CELF5: variants seen among roughly 807,000 people sequenced by gnomAD.
The protein encoded by CELF5 is CUGBP Elav-like family member 5.
CELF5 carries 6 observed loss-of-function variants against 54.9 expected under a neutral mutation model. The observed-to-expected ratio is 0.11, with a 90% CI of 0.06 to 0.22. The LOEUF is 0.22. CELF5 is among the 10% of genes least tolerant of loss of function. CELF5 has a pLI of 1.00. For synonymous variants in CELF5, 271 were observed against 290.9 expected, an observed-to-expected ratio of 0.93 and a Z score of 0.70; for missense variants, 401 against 678.6, an observed-to-expected ratio of 0.59 and a Z score of 4.54.
intron 2 of CELF5, among the ~76,000 whole-genome samples, chr19:3,265,783 A>C (rs958300702): frequency 9.9e-5 from 15 of 152,204 alleles, no homozygotes; most frequent in African/African-American, 2.9e-4. Flanking sequence ...ATTCTTGATT[A>C]CTTTCTTTTC....
chr19:3,248,897 CCTTCCTTCCTTTCTTT>C (rs1173930095), intron 1 of CELF5, among the ~76,000 whole-genome samples: 4 of 106,246 alleles, frequency 3.8e-5, no homozygotes, highest in African/African-American at 9.2e-5. Context: ...TTCCTTCCTT[CCTTCCTTCCTTTCTTT>C]CTTTCTTTCT....
chr19:3,241,778 G>A (rs2079494450), intron 1 of CELF5, among the ~76,000 whole-genome samples: 3 of 152,058 alleles, frequency 2.0e-5, no homozygotes, highest in African/African-American at 4.8e-5. Context: ...CTAGTTTGTT[G>A]TTGTTGTGTG....
intron 2 of CELF5, among the ~76,000 whole-genome samples, chr19:3,263,196 G>A (rs886353796): frequency 1.4e-5 from 2 of 146,564 alleles, no homozygotes; most frequent in African/African-American, 5.1e-5. Context: ...GCGGTGAGCC[G>A]AGATCACGCC....
chr19:3,270,871 C>A (rs966705556), intron 2 of CELF5, among the ~76,000 whole-genome samples: 1 of 151,848 alleles, frequency 6.6e-6, no homozygotes, highest in Non-Finnish European at 1.5e-5. Context: ...AGGTCCCAGG[C>A]TCTGTGGCGG....
At chr19:3,283,509 C>G (rs2145273899) in intron 8 of CELF5, among the ~76,000 whole-genome samples, 1 of 152,154 alleles carries the variant, frequency 6.6e-6, no homozygotes, top group South Asian at 2.1e-4. Flanking sequence ...TGCCATCACG[C>G]CCGGCTAATT....
chr19:3,285,690 C>A, intron 9 of CELF5, among the ~76,000 whole-genome samples: 1 of 135,974 alleles, frequency 7.4e-6, no homozygotes, highest in African/African-American at 2.8e-5. Flanking sequence ...CCCGCCCCGT[C>A]TCGGTATTGG....
At chr19:3,250,134 T>G (rs1599414365) in intron 1 of CELF5, among the ~76,000 whole-genome samples, 1 of 152,226 alleles carries the variant, frequency 6.6e-6, no homozygotes, top group Non-Finnish European at 1.5e-5. Context: ...CTTCTCTTTT[T>G]ATTTTTTGAG....
chr19:3,285,574 T>C (rs1201423527), intron 9 of CELF5, among the ~76,000 whole-genome samples: 1 of 106,740 alleles, frequency 9.4e-6, no homozygotes, highest in Admixed American at 1.2e-4. Flanking sequence ...CAAGCAATGG[T>C]CCCGCCCACT....
intron 1 of CELF5, among the ~76,000 whole-genome samples, chr19:3,232,422 T>A (rs1334692732): frequency 6.6e-6 from 1 of 151,798 alleles, no homozygotes; most frequent in Non-Finnish European, 1.5e-5. Flanking sequence ...TGTGCAACTG[T>A]AGTCCCAGCC....
rs1568325591 is a variant in CELF5, at chr19:3,228,246, A to C, written c.259+3248A>C. ...GGGCTGCAGAGAGATGCAGGCCCAC[A>C]GGAAGACCACAAGCCTGCTCCTGCC... is the stretch of plus-strand genomic sequence containing the variant. On this transcript the variant is annotated intron_variant, in intron 1 of 12. Coordinates refer to ENST00000292672, the MANE Select transcript of CELF5 (RefSeq NM_021938.4). This position sits in a 1 kb window ranked among gnomAD's most constrained non-coding sequence, Gnocchi z 6.0. Among the ~76,000 whole-genome samples, 4 of 152,060 alleles carry C rather than the reference A, an allele frequency of 2.6e-5. No individual in the cohort carries two copies. The highest frequency in any genetic ancestry group is 6.5e-5 in the Admixed American group (1 of 15,278).
In CELF5 at chr19:3,285,013, CT is replaced by C. The variant is rs770670047; in HGVS notation, c.1102+50del. The stretch of plus-strand genomic sequence containing the variant: ...CGCTGGGCCCTGGCCCCGCCCCCGC[CT>C]AGGGCCCCGCCCCCAGGGCCCGCCC... On this transcript the variant is annotated intron_variant, in intron 9 of 12. Coordinates refer to ENST00000292672, the MANE Select transcript of CELF5 (RefSeq NM_021938.4). 8 of 1,455,398 alleles carry C rather than the reference CT, an allele frequency of 5.5e-6. No homozygotes were observed. The East Asian group carries it at 1.4e-4, about 26-fold the overall frequency. 90.2% of individuals were successfully genotyped at this position (1,455,398 alleles called of 1,614,324 possible). A position where few individuals can be genotyped will look rare whatever the true frequency, so the allele number is the denominator to read the frequency against.
chr19:3,227,830 G>A (rs577397581), intron 1 of CELF5, among the ~76,000 whole-genome samples: 42 of 152,216 alleles, frequency 2.8e-4, no homozygotes, highest in African/African-American at 9.6e-4. Flanking sequence ...AGAAGCAGCT[G>A]TGCCTGTATC....
intron 1 of CELF5, among the ~76,000 whole-genome samples, chr19:3,249,988 T>C (rs1249231363): frequency 3.3e-5 from 5 of 152,168 alleles, no homozygotes; most frequent in Admixed American, 3.3e-4. Flanking sequence ...ACTGACTTTG[T>C]TAATGGCTGG....
intron 2 of CELF5, among the ~76,000 whole-genome samples, chr19:3,260,843 C>T (rs1289067321): frequency 2.6e-5 from 4 of 151,714 alleles, no homozygotes; most frequent in South Asian, 2.1e-4. Context: ...AGGATGGTCT[C>T]GATCTCCTGA....
At chr19:3,250,875 C>T in intron 1 of CELF5, 110 bp from the exon 2 acceptor site, 3 of 558,874 alleles carry the variant, frequency 5.4e-6, no homozygotes, top group East Asian at 3.0e-5. Flanking sequence ...ATCTATGCAT[C>T]TGTGGATGGA....
At chr19:3,250,457 C>G (rs961345012) in intron 1 of CELF5, among the ~76,000 whole-genome samples, 9 of 152,196 alleles carry the variant, frequency 5.9e-5, no homozygotes, top group Admixed American at 5.2e-4. Flanking sequence ...CCACTGCACT[C>G]CAGCCTGGGT....
chr19:3,237,998 G>A (rs1034441249), intron 1 of CELF5, among the ~76,000 whole-genome samples: 2 of 151,724 alleles, frequency 1.3e-5, no homozygotes, highest in African/African-American at 2.4e-5. Context: ...GCAGTGAGCC[G>A]AGATCACGCC....
chr19:3,276,814 G>A (rs1255097823), intron 4 of CELF5, among the ~76,000 whole-genome samples: 4 of 148,750 alleles, frequency 2.7e-5, no homozygotes, highest in Admixed American at 2.7e-4. Flanking sequence ...GGGAGGCGGG[G>A]GGGCTTCTCC....
At chr19:3,232,831 T>C (rs1202774446) in intron 1 of CELF5, among the ~76,000 whole-genome samples, 1 of 151,748 alleles carries the variant, frequency 6.6e-6, no homozygotes, top group East Asian at 1.9e-4. Context: ...TCCCAGCACT[T>C]TGGGAGGCCG....
Sources: allele counts gnomAD v4.1 joint callset (sites outside exome capture counted in the v4.1 genomes callset), GRCh38; gene constraint gnomAD v4.1.1; non-coding constraint Gnocchi (gnomAD v3.1); transcripts MANE v1.5; gene names NCBI Gene and HGNC (gene_info 2026-07-23, HGNC 2026-07-21).